The following SUCO variants were observed in gnomAD, a reference collection of about 807,000 sequenced individuals.
SUCO encodes SUN domain-containing ossification factor.
In SUCO, 57 loss-of-function variants were observed where a neutral mutation model predicts 148.1. The ratio of observed to expected loss-of-function variants is 0.38; its 90% confidence interval spans 0.31 to 0.48. The LOEUF is 0.48. Ranked by LOEUF, SUCO falls within the 20% of genes least tolerant of loss-of-function variation. SUCO has a pLI of 0.96. For missense variants in SUCO, 1,331 were observed against 1,468.2 expected (o/e 0.91, Z 1.53); for synonymous variants, 470 against 502.7 (o/e 0.93, Z 0.87).
At chr1:172,556,599 A>G in intron 4 of SUCO, 1 of 984,312 alleles carries the variant, frequency 1.0e-6, no homozygotes, top group Non-Finnish European at 1.2e-6. Flanking sequence ...GAGTTGACAT[A>G]AATAAAGTGC....
In SUCO at chr1:172,533,510, G is replaced by A. The variant is rs1439654263; in HGVS notation, c.62+13G>A. Reference sequence around the variant, plus strand: ...GCTCTCTGGTCTGGTGAGTAGCCGCGACGACAAGGGAGTTCCCGTGAGGGG... The same window carrying A: ...GCTCTCTGGTCTGGTGAGTAGCCGCAACGACAAGGGAGTTCCCGTGAGGGG... On this transcript the variant is annotated intron_variant, in intron 1 of 23. Transcript: ENST00000263688. 2.0e-6 allele frequency: 3 copies of A among 1,533,576 alleles called. No homozygotes were observed. Among genetic ancestry groups the A allele is most frequent in the Non-Finnish European group, 2.6e-6 (3 of 1,134,520 alleles). 95.0% of individuals were successfully genotyped at this position (1,533,576 alleles called of 1,614,324 possible).
chr1:172,600,423 A>T (rs993807433), intron 20 of SUCO, among the ~76,000 whole-genome samples: 4 of 152,204 alleles, frequency 2.6e-5, no homozygotes, highest in Admixed American at 6.5e-5. Context: ...GGCCTTTTGT[A>T]AGCATTGATA....
At chr1:172,532,925 G>A (rs1651696001), upstream of SUCO, 1 of 1,371,440 alleles carries the variant, frequency 7.3e-7, no homozygotes, top group African/African-American at 1.5e-5. Flanking sequence ...GCGCTTTGTG[G>A]TCTCCTGCCT....
intron 19 of SUCO, among the ~76,000 whole-genome samples, chr1:172,599,735 G>A (rs1434332344): frequency 6.6e-6 from 1 of 152,052 alleles, no homozygotes; most frequent in Non-Finnish European, 1.5e-5. Context: ...AAATATTTCT[G>A]GTTATATGCT....
chr1:172,570,813 A>C, intron 9 of SUCO, 83 bp downstream of exon 9: 3 of 837,024 alleles, frequency 3.6e-6, no homozygotes, highest in Non-Finnish European at 5.9e-6. Context: ...TTACATTGAC[A>C]TATAATAATT....
At chr1:172,558,253 C>T (rs938620073) in intron 6 of SUCO, among the ~76,000 whole-genome samples, 2 of 152,142 alleles carry the variant, frequency 1.3e-5, no homozygotes, top group African/African-American at 4.8e-5. Context: ...ACCAGACCAC[C>T]TTATATTTTA....
intron 1 of SUCO, among the ~76,000 whole-genome samples, chr1:172,545,804 A>G (rs1327794968): frequency 6.6e-6 from 1 of 152,220 alleles, no homozygotes; most frequent in Non-Finnish European, 1.5e-5. Context: ...TAGCATATAC[A>G]TTTATTTCAG....
In SUCO at chr1:172,610,281, A is replaced by G; in HGVS notation, c.*22A>G. The G allele has an allele frequency of 6.4e-7, 1 of 1,551,102 alleles. No individual in the cohort carries two copies. Among genetic ancestry groups the G allele is most frequent in the Non-Finnish European group, 8.7e-7 (1 of 1,153,818 alleles). Reference sequence around the variant, plus strand: ...CTAAAATTAATTGAACTTTTCATACAGAAGACTTTTTTGTTGTTGTTCTTT... The same window carrying G: ...CTAAAATTAATTGAACTTTTCATACGGAAGACTTTTTTGTTGTTGTTCTTT... On this transcript the variant is annotated 3_prime_UTR_variant, in exon 24 of 24. Transcript: ENST00000263688.
At chr1:172,561,129 C>T (rs116400342) in intron 6 of SUCO, among the ~76,000 whole-genome samples, 3,409 of 152,350 alleles carry the variant, frequency 0.022, 66 homozygotes, top group Non-Finnish European at 0.031. Context: ...GCATTGGTAT[C>T]TTGGCAGCTA....
intron 20 of SUCO, 107 bp from the exon 21 acceptor site, chr1:172,601,957 A>T (rs560522517): frequency 8.8e-7 from 1 of 1,131,472 alleles, no homozygotes; most frequent in African/African-American, 1.6e-5. Context: ...TCTTTGAAGC[A>T]CATTAAAAAA....
At chr1:172,596,283 T>A (rs527782265) in intron 19 of SUCO, among the ~76,000 whole-genome samples, 1 of 152,296 alleles carries the variant, frequency 6.6e-6, no homozygotes, top group South Asian at 2.1e-4. Context: ...TACTTCTGTG[T>A]ACTTGTCAAA....
chr1:172,571,329 G>C (rs1418418817), intron 9 of SUCO, among the ~76,000 whole-genome samples: 1 of 152,216 alleles, frequency 6.6e-6, no homozygotes, highest in Non-Finnish European at 1.5e-5. Context: ...CCGAGGTGCC[G>C]GGATTGCAGA....
At chr1:172,609,356 G>A in intron 23 of SUCO, 1 of 983,212 alleles carries the variant, frequency 1.0e-6, no homozygotes, top group Non-Finnish European at 1.2e-6. Flanking sequence ...AAAGAACTTG[G>A]GCTTTGTAGG....
At chr1:172,591,436 C>T (rs532473275) in intron 19 of SUCO, among the ~76,000 whole-genome samples, 1 of 122,202 alleles carries the variant, frequency 8.2e-6, no homozygotes, top group Non-Finnish European at 1.7e-5. Context: ...CCCCTCCCCC[C>T]ACCCCACAAC....
intron 1 of SUCO, among the ~76,000 whole-genome samples, 154 bp from the exon 2 acceptor site, chr1:172,551,358 G>A (rs527522688): frequency 9.2e-5 from 14 of 151,952 alleles, no homozygotes; most frequent in African/African-American, 2.4e-4. Flanking sequence ...ATTGATTTTC[G>A]TCATTAAATT....
intron 22 of SUCO, 67 bp from the exon 23 acceptor site, chr1:172,608,680 T>A: frequency 1.9e-6 from 2 of 1,058,182 alleles, no homozygotes; most frequent in Non-Finnish European, 2.9e-6. Context: ...TTTTAGTGTT[T>A]AATTATAGCA....
chr1:172,576,982 A>G, intron 11 of SUCO: 7 of 691,118 alleles, frequency 1.0e-5, no homozygotes, highest in Non-Finnish European at 1.2e-5. Context: ...TATATCTTCC[A>G]CTTCTGTAAG....
chr1:172,590,159 G>A, intron 18 of SUCO: 1 of 264,070 alleles, frequency 3.8e-6, no homozygotes, highest in Non-Finnish European at 5.9e-6. Context: ...CTTTTATTAG[G>A]CTGGCAACAA....
chr1:172,570,718 G>A lies in SUCO; in HGVS notation c.1037G>A (p.Ser346Asn). 6.2e-7 allele frequency: 1 copy of A among 1,604,368 alleles called. No individual in the cohort carries two copies. The highest frequency in any genetic ancestry group is 8.5e-7 in the Non-Finnish European group (1 of 1,172,046). The change falls in exon 9 of 24, where the codon AGC becomes AAC. Residue 346 changes from serine (S) to asparagine (N), a missense_variant. Around this residue, in one of 3 missense-constraint regions of SUCO, gnomAD observed 992 missense variants for 1,093.5 expected, o/e 0.91. Coordinates refer to ENST00000263688, the MANE Select transcript of SUCO (RefSeq NM_014283.5). Reference protein sequence around the residue: ...NMDLYMLNPCSTKIWFVIELC... With the variant: ...NMDLYMLNPCNTKIWFVIELC... ...GATCTTTACATGTTGAATCCTTGCA[G>A]CACTAAAATTTGGTGAGTTATACAC...
Sources: allele counts gnomAD v4.1 joint callset (sites outside exome capture counted in the v4.1 genomes callset), GRCh38; gene constraint gnomAD v4.1.1; regional missense constraint gnomAD v4.1.1; transcripts MANE v1.5; gene names NCBI Gene and HGNC (gene_info 2026-07-23, HGNC 2026-07-21).